The following RP9 variants were observed in gnomAD, a reference collection of about 807,000 sequenced individuals.
RP9 encodes RP9 pre-mRNA splicing factor.
Under a neutral mutation model 32.6 loss-of-function variants are expected in RP9, and 23 were observed. The observed-to-expected ratio is 0.71, with a 90% CI of 0.51 to 1.00. RP9 has a LOEUF of 1.00. RP9 is among the 50% of genes least tolerant of loss of function. The pLI is 0.00. For synonymous variants in RP9, 94 were observed against 103.6 expected, an observed-to-expected ratio of 0.91 and a Z score of 0.56; for missense variants, 245 against 285.3, an observed-to-expected ratio of 0.86 and a Z score of 1.02.
chr7:33,106,730 T>C (rs1485011257), intron 1 of RP9, among the ~76,000 whole-genome samples: 1 of 152,050 alleles, frequency 6.6e-6, no homozygotes, highest in Non-Finnish European at 1.5e-5. Flanking sequence ...CAGACCACTA[T>C]GTCAAGAGAT....
chr7:33,099,465 T>C, intron 2 of RP9, 29 bp from the exon 3 acceptor site: 1 of 1,613,646 alleles, frequency 6.2e-7, no homozygotes, highest in Non-Finnish European at 8.5e-7. Flanking sequence ...ATAAACAGCA[T>C]GGCAAGAGCG....
intron 2 of RP9, among the ~76,000 whole-genome samples, chr7:33,099,745 AG>A (rs1788398667): frequency 6.6e-6 from 1 of 152,012 alleles, no homozygotes; most frequent in South Asian, 2.1e-4. Flanking sequence ...AAAAAAAAAA[AG>A]TTTCACTACC....
At chr7:33,096,915 TACTCTTTA>T (rs1306040796) in intron 4 of RP9, among the ~76,000 whole-genome samples, 1 of 152,230 alleles carries the variant, frequency 6.6e-6, no homozygotes, top group African/African-American at 2.4e-5. Context: ...TAAAGACATG[TACTCTTTA>T]AAGACCGGGA....
At position 33,109,251 on chromosome 7, in the gene RP9, T is replaced by C; in HGVS notation, c.122A>G (p.Gln41Arg). The C allele has an allele frequency of 1.3e-6, 2 of 1,495,146 alleles. No individual in the cohort carries two copies. Among genetic ancestry groups the C allele is most frequent in the Non-Finnish European group, 1.8e-6 (2 of 1,125,200 alleles). 92.6% of individuals were successfully genotyped at this position (1,495,146 alleles called of 1,614,324 possible). A position where few individuals can be genotyped will look rare whatever the true frequency, so the allele number is the denominator to read the frequency against. The change falls in exon 1 of 6, where the codon CAG becomes CGG. Residue 41 changes from glutamine (Q) to arginine (R), a missense_variant. Physicochemically the swap from Gln to Arg is conservative, Grantham distance 43. Coordinates refer to ENST00000297157, the MANE Select transcript of RP9 (RefSeq NM_203288.2). The surrounding 1 kb of genome is among the most constrained non-coding windows in gnomAD (Gnocchi z 4.9). ...CTCCAGGTGCTTGAGCTGCTGCAGC[T>C]GCTGCGCGTCGTGTCGCCGCCGCTT... ...EQKRRRHDAQ[Q>R]LQQLKHLESF...
intron 4 of RP9, 111 bp from the exon 5 acceptor site, chr7:33,096,665 T>C: frequency 1.3e-6 from 1 of 787,134 alleles, no homozygotes; most frequent in Non-Finnish European, 2.3e-6. Context: ...TACTGTTTGA[T>C]GTAGCTGCAT....
intron 1 of RP9, chr7:33,100,971 G>T: frequency 2.8e-6 from 1 of 359,536 alleles, no homozygotes; most frequent in South Asian, 2.2e-5. Flanking sequence ...TTTTAGCTCA[G>T]GTCTGTCCCT....
chr7:33,098,639 C>A (rs1220843726), intron 3 of RP9, among the ~76,000 whole-genome samples: 1 of 152,134 alleles, frequency 6.6e-6, no homozygotes, highest in East Asian at 1.9e-4. Context: ...AGAAGAAAAA[C>A]CGATAGATAC....
chr7:33,098,277 T>C (rs1249500688), intron 3 of RP9, among the ~76,000 whole-genome samples: 1 of 152,128 alleles, frequency 6.6e-6, no homozygotes, highest in East Asian at 1.9e-4. Flanking sequence ...GTCCCAGCTA[T>C]CTCAGAGGCT....
Position 33,109,126 on chromosome 7 carries a change from C to T in RP9, c.152+95G>A. Reference sequence around the variant, plus strand: ...GCCCCCCTGCCTGCTCGCGGGGGCTCGGAGGACCCGGCCTAGCGCCCACCG... The same window carrying T: ...GCCCCCCTGCCTGCTCGCGGGGGCTTGGAGGACCCGGCCTAGCGCCCACCG... On this transcript the variant is annotated intron_variant, in intron 1 of 5. Transcript: ENST00000297157. This position sits in a 1 kb window ranked among gnomAD's most constrained non-coding sequence, Gnocchi z 4.9. The T allele has an allele frequency of 1.4e-6, 2 of 1,420,288 alleles. No individual in the cohort carries two copies. Among genetic ancestry groups the T allele is most frequent in the South Asian group, 2.7e-5 (2 of 73,820 alleles). 88.0% of individuals were successfully genotyped at this position (1,420,288 alleles called of 1,614,324 possible).
intron 1 of RP9, among the ~76,000 whole-genome samples, chr7:33,105,163 A>G (rs74947797): frequency 0.014 from 2,084 of 152,308 alleles, 64 homozygotes; most frequent in African/African-American, 0.048. Context: ...CTGAAGGACA[A>G]CAGATTGAAG....
intron 1 of RP9, among the ~76,000 whole-genome samples, chr7:33,107,554 C>T (rs1239629452): frequency 6.6e-6 from 1 of 152,208 alleles, no homozygotes; most frequent in African/African-American, 2.4e-5. Context: ...AGGGCCAGGA[C>T]TGCCCTGTAA....
At chr7:33,099,564 A>G (rs1788396378) in intron 2 of RP9, 128 bp from the exon 3 acceptor site, 3 of 955,194 alleles carry the variant, frequency 3.1e-6, no homozygotes, top group Non-Finnish European at 5.0e-6. Context: ...TTACCCCTCA[A>G]AACTAGAAAA....
chr7:33,107,135 T>C (rs1343661901), intron 1 of RP9, among the ~76,000 whole-genome samples: 3 of 152,202 alleles, frequency 2.0e-5, no homozygotes, highest in Non-Finnish European at 4.4e-5. Context: ...CATATTACTG[T>C]GGTATAAATA....
intron 4 of RP9, among the ~76,000 whole-genome samples, chr7:33,096,884 G>A (rs772408824): frequency 3.3e-5 from 5 of 151,994 alleles, no homozygotes; most frequent in African/African-American, 4.8e-5. Context: ...AAAAATATAC[G>A]GACACTTTAA....
chr7:33,098,503 G>T (rs1323431696), intron 3 of RP9, among the ~76,000 whole-genome samples: 5 of 152,160 alleles, frequency 3.3e-5, no homozygotes, highest in African/African-American at 7.2e-5. Flanking sequence ...GCCACAAAGG[G>T]TCACACGAAT....
intron 1 of RP9, among the ~76,000 whole-genome samples, chr7:33,106,485 T>C (rs1373561030): frequency 6.6e-6 from 1 of 152,174 alleles, no homozygotes; most frequent in East Asian, 1.9e-4. Context: ...CTAGTTATAA[T>C]AATGTTAATA....
At chr7:33,105,815 A>C (rs968046616) in intron 1 of RP9, among the ~76,000 whole-genome samples, 1 of 152,198 alleles carries the variant, frequency 6.6e-6, no homozygotes, top group Non-Finnish European at 1.5e-5. Flanking sequence ...ATCCAAACTA[A>C]GCATAAAAAT....
chr7:33,105,406 T>C lies in RP9; in HGVS notation c.152+3815A>G, dbSNP rs149190783. On this transcript the variant is annotated intron_variant, in intron 1 of 5. Transcript: ENST00000297157. ...CAGTCAGAGAGGCCAGAATTCCTCT[T>C]TTCCACAAGTGGGCCATAAAAACTA... 7.6e-3 allele frequency among the ~76,000 whole-genome samples: 1,161 copies of C among 152,190 alleles called. 10 individuals are homozygous for C. Among genetic ancestry groups the C allele is most frequent in the African/African-American group, 0.026 (1,077 of 41,516 alleles).
At chr7:33,098,790 A>G (rs1467963153) in intron 3 of RP9, among the ~76,000 whole-genome samples, 2 of 152,212 alleles carry the variant, frequency 1.3e-5, no homozygotes, top group African/African-American at 4.8e-5. Flanking sequence ...ACGATTCCAG[A>G]AAAGTAAAGG....
Sources: gnomAD v4.1 joint callset for allele counts (sites outside exome capture counted in the v4.1 genomes callset) on GRCh38, gnomAD v4.1.1 for gene constraint, Gnocchi (gnomAD v3.1) non-coding constraint, MANE v1.5 for transcripts, NCBI Gene and HGNC (gene_info 2026-07-23, HGNC 2026-07-21) for gene names.